Variants in MPPED2 observed in about 807,000 individuals in gnomAD.
The protein encoded by MPPED2 is metallophosphoesterase domain containing 2, also known as metallophosphoesterase MPPED2.
Under a neutral mutation model 33.0 loss-of-function variants are expected in MPPED2, and 5 were observed. The ratio of observed to expected loss-of-function variants is 0.15; its 90% CI spans 0.08 to 0.32. The LOEUF (loss-of-function observed/expected upper bound fraction) is 0.32, where lower values mean the gene tolerates loss of function less well. Among genes scored for constraint, MPPED2 ranks in the 10% least tolerant of loss-of-function variants. The pLI is 1.00. For synonymous variants in MPPED2, 136 were observed against 141.9 expected, an observed-to-expected ratio of 0.96 and a Z score of 0.29; for missense variants, 275 against 372.1, an observed-to-expected ratio of 0.74 and a Z score of 2.15.
chr11:30,532,849 G>A (rs549910580), intron 3 of MPPED2, among the ~76,000 whole-genome samples: 1 of 152,254 alleles, frequency 6.6e-6, no homozygotes, highest in African/African-American at 2.4e-5. Flanking sequence ...CTCCTACTAG[G>A]TGACATATGT....
At chr11:30,461,265 A>G (rs1264826238) in intron 4 of MPPED2, among the ~76,000 whole-genome samples, 3 of 152,224 alleles carry the variant, frequency 2.0e-5, no homozygotes, top group African/African-American at 4.8e-5. Flanking sequence ...AGTTTGAAAT[A>G]ACGAAAAAAG....
At chr11:30,395,666 A>G (rs955728770) in intron 6 of MPPED2, among the ~76,000 whole-genome samples, 4 of 152,202 alleles carry the variant, frequency 2.6e-5, no homozygotes, top group Non-Finnish European at 5.9e-5. Flanking sequence ...TCTTAAAAAT[A>G]CAGTGGTGAG....
intron 3 of MPPED2, among the ~76,000 whole-genome samples, chr11:30,505,351 A>T (rs1216963899): frequency 6.6e-6 from 1 of 152,194 alleles, no homozygotes; most frequent in African/African-American, 2.4e-5. Context: ...ACCACAAGGT[A>T]GTAGAAATGA....
intron 1 of MPPED2, among the ~76,000 whole-genome samples, chr11:30,581,563 G>T (rs1957168760): frequency 6.6e-6 from 1 of 152,140 alleles, no homozygotes; most frequent in Admixed American, 6.5e-5. Flanking sequence ...TTTGCCATGT[G>T]CACCATTAAG....
chr11:30,524,600 T>C (rs998230997), intron 3 of MPPED2, among the ~76,000 whole-genome samples: 1 of 152,088 alleles, frequency 6.6e-6, no homozygotes, highest in Non-Finnish European at 1.5e-5. Flanking sequence ...CAGGCTATAG[T>C]GGGTGATCAA....
chr11:30,400,714 G>T (rs1947897373), intron 6 of MPPED2, among the ~76,000 whole-genome samples: 1 of 151,856 alleles, frequency 6.6e-6, no homozygotes, highest in South Asian at 2.1e-4. Context: ...CATCATTCAA[G>T]ATCAATTACT....
intron 4 of MPPED2, among the ~76,000 whole-genome samples, chr11:30,482,766 T>C (rs1031687531): frequency 1.3e-5 from 2 of 152,230 alleles, no homozygotes; most frequent in Non-Finnish European, 2.9e-5. Context: ...TTCATAATTA[T>C]GTATCAAGAG....
intron 2 of MPPED2, among the ~76,000 whole-genome samples, chr11:30,565,936 T>C: frequency 6.6e-6 from 1 of 152,204 alleles, no homozygotes; most frequent in Non-Finnish European, 1.5e-5. Flanking sequence ...AATACTGTTA[T>C]GACGGTGTTA....
At chr11:30,557,814 A>G (rs1349769094) in intron 2 of MPPED2, among the ~76,000 whole-genome samples, 1 of 152,212 alleles carries the variant, frequency 6.6e-6, no homozygotes, top group Non-Finnish European at 1.5e-5. Context: ...CTTCATGGCA[A>G]TGACCATGAG....
intron 4 of MPPED2, among the ~76,000 whole-genome samples, chr11:30,422,995 G>A (rs1040178875): frequency 3.3e-5 from 5 of 152,304 alleles, no homozygotes; most frequent in Middle Eastern, 3.4e-3. Flanking sequence ...GGGGCTAAGG[G>A]AGTTAACATA....
chr11:30,551,924 T>C (rs1955732298), intron 2 of MPPED2, among the ~76,000 whole-genome samples: 1 of 146,280 alleles, frequency 6.8e-6, no homozygotes. Context: ...CCATAATTAC[T>C]GGAATTGTTT....
chr11:30,436,439 A>G (rs898929085), intron 4 of MPPED2, among the ~76,000 whole-genome samples: 5 of 152,192 alleles, frequency 3.3e-5, no homozygotes, highest in African/African-American at 1.2e-4. Flanking sequence ...CCAGAGTTTA[A>G]GAAGCACTGT....
At chr11:30,500,867 C>T (rs1466020278) in intron 3 of MPPED2, among the ~76,000 whole-genome samples, 1 of 152,186 alleles carries the variant, frequency 6.6e-6, no homozygotes, top group East Asian at 1.9e-4. Flanking sequence ...CACAAGACTT[C>T]CTGGTAACTT....
intron 2 of MPPED2, among the ~76,000 whole-genome samples, chr11:30,542,355 T>G (rs961865316): frequency 4.0e-5 from 6 of 151,624 alleles, no homozygotes; most frequent in Non-Finnish European, 8.8e-5. Context: ...GGCTCATGTC[T>G]GTAATCCCAG....
chr11:30,497,899 A>G (rs1952355238), intron 3 of MPPED2, among the ~76,000 whole-genome samples: 1 of 152,176 alleles, frequency 6.6e-6, no homozygotes, highest in South Asian at 2.1e-4. Context: ...AGAATCCAGT[A>G]GTAGCTTCCA....
chr11:30,529,552 G>A (rs1316593168), intron 3 of MPPED2, among the ~76,000 whole-genome samples: 2 of 151,832 alleles, frequency 1.3e-5, no homozygotes, highest in African/African-American at 4.8e-5. Context: ...TGTATTTATA[G>A]AAGACATTCT....
chr11:30,573,358 A>G (rs1956788443), intron 2 of MPPED2, among the ~76,000 whole-genome samples: 1 of 152,150 alleles, frequency 6.6e-6, no homozygotes, highest in South Asian at 2.1e-4. Flanking sequence ...CAATGAAATA[A>G]ATGACTCTAT....
At chr11:30,527,484 A>G (rs1954264077) in intron 3 of MPPED2, among the ~76,000 whole-genome samples, 1 of 151,316 alleles carries the variant, frequency 6.6e-6, no homozygotes, top group South Asian at 2.1e-4. Context: ...AGGGGTGGTG[A>G]CGCTGGAGGG....
At chr11:30,509,928 T>A (rs1953060116) in intron 3 of MPPED2, among the ~76,000 whole-genome samples, 1 of 152,198 alleles carries the variant, frequency 6.6e-6, no homozygotes, top group Non-Finnish European at 1.5e-5. Context: ...CCATATCACA[T>A]AATCACCGGG....
Sources: allele counts gnomAD v4.1 joint callset (sites outside exome capture counted in the v4.1 genomes callset), GRCh38; gene constraint gnomAD v4.1.1; transcripts MANE v1.5; gene names NCBI Gene and HGNC (gene_info 2026-07-23, HGNC 2026-07-21).